Variants in PAK6 observed in about 807,000 individuals in gnomAD.
PAK6 encodes the protein serine/threonine-protein kinase PAK 6.
Under a neutral mutation model 60.8 loss-of-function variants are expected in PAK6, and 33 were observed. That is an observed-to-expected ratio of 0.54 (90% CI 0.41 to 0.73). PAK6 has a LOEUF of 0.73. PAK6 is among the 30% of genes least tolerant of loss of function. The pLI is 0.00. For missense variants in PAK6, 845 were observed against 904.1 expected (o/e 0.93, Z 0.84); for synonymous variants, 404 against 378.5 (o/e 1.07, Z -0.78).
chr15:40,253,849 T>C (rs934057849), intron 3 of PAK6, among the ~76,000 whole-genome samples: 4 of 152,036 alleles, frequency 2.6e-5, no homozygotes, highest in Admixed American at 6.5e-5. Flanking sequence ...GCTCCCAGGG[T>C]GTAGGTTGCG....
Position 40,253,252 on chromosome 15 carries a change from G to A in PAK6, c.-43G>A, listed in dbSNP as rs1410052755. 2.2e-6 allele frequency: 1 copy of A among 456,064 alleles called. No homozygotes were observed. Among genetic ancestry groups the A allele is most frequent in the South Asian group, 1.5e-5 (1 of 64,566 alleles). The allele number at this position is 456,064 out of a possible 1,614,324, so 28.3% of individuals were successfully genotyped here. A position where few individuals can be genotyped will look rare whatever the true frequency, so the allele number is the denominator to read the frequency against. ...CGCCTAAGAGAGAGGCCCAGTGCGG[G>A]TGAGGAGTCGCGAGGAAGAGGCGGA... On this transcript the variant is annotated 5_prime_UTR_variant, in exon 3 of 11. It adds an upstream start codon to the 5' untranslated region. Transcript: ENST00000560346.
rs369235955 is a variant in PAK6, at chr15:40,264,927, C to T, written c.142C>T (p.Arg48Trp). The change falls in exon 4 of 11, where the codon CGG becomes TGG. Residue 48 changes from arginine to tryptophan, a missense_variant. Arg to Trp is a moderately radical substitution (Grantham distance 101). Coordinates refer to ENST00000560346, the Ensembl canonical transcript of PAK6. Reference sequence around the variant, plus strand: ...ATGGCAGAACATCCTGGACACACTGCGGCGCCCCAAGCCCGTGGTGGACCC... The same window carrying T: ...ATGGCAGAACATCCTGGACACACTGTGGCGCCCCAAGCCCGTGGTGGACCC... The T allele has an allele frequency of 9.9e-6, 16 of 1,613,690 alleles. No homozygotes were observed. The highest frequency in any genetic ancestry group is 1.4e-5 in the Non-Finnish European group (16 of 1,180,056).
intron 3 of PAK6, among the ~76,000 whole-genome samples, chr15:40,264,274 T>C (rs1270967457): frequency 6.6e-6 from 1 of 152,168 alleles, no homozygotes; most frequent in Non-Finnish European, 1.5e-5. Flanking sequence ...TTGGATTCAA[T>C]TCGATAGTTT....
rs867398535 is a variant in PAK6, at chr15:40,240,351, C to T, written c.-200-248C>T. Among the ~76,000 whole-genome samples the T allele has an allele frequency of 4.6e-5, 7 of 152,300 alleles. No homozygotes were observed. The Middle Eastern group carries it at 0.017, about 370-fold the overall frequency. On this transcript the variant is annotated intron_variant, in intron 1 of 10. Coordinates refer to ENST00000560346, the Ensembl canonical transcript of PAK6. ...TGATCAGGACCCAGCGGGTGCCACC[C>T]TCAAGCCCCTGGTCCCCACAGGGCA...
At chr15:40,267,525 GGC>G (rs1290557669) in intron 5 of PAK6, among the ~76,000 whole-genome samples, 2 of 152,228 alleles carry the variant, frequency 1.3e-5, no homozygotes, top group Non-Finnish European at 2.9e-5. Context: ...CGGGCGCGGT[GGC>G]GGGCGCCTGT....
At chr15:40,243,850 G>C (rs7165372) in intron 2 of PAK6, among the ~76,000 whole-genome samples, 1 of 152,146 alleles carries the variant, frequency 6.6e-6, no homozygotes, top group African/African-American at 2.4e-5. Context: ...ATCGAGAGCC[G>C]GGCTGTGGCC....
chr15:40,261,931 A>T (rs1212246994), intron 3 of PAK6, among the ~76,000 whole-genome samples: 1 of 151,932 alleles, frequency 6.6e-6, no homozygotes, highest in Non-Finnish European at 1.5e-5. Context: ...ATTAGAATGG[A>T]CTCAAGAGAG....
intron 3 of PAK6, chr15:40,260,060 T>C (rs1252762142): frequency 6.6e-6 from 1 of 152,126 alleles, no homozygotes; most frequent in Non-Finnish European, 1.5e-5. Context: ...TAAACCTTGA[T>C]AGTTTAATTT....
upstream of PAK6, chr15:40,239,229 A>T (rs889144596): frequency 3.3e-5 from 5 of 152,156 alleles, no homozygotes; most frequent in African/African-American, 1.2e-4. Context: ...CTCGCCTGCC[A>T]GGCAGCCCTG....
chr15:40,261,247 T>C (rs2038977978), intron 3 of PAK6, among the ~76,000 whole-genome samples: 1 of 151,714 alleles, frequency 6.6e-6, no homozygotes, highest in African/African-American at 2.4e-5. Flanking sequence ...TTTTAAAATA[T>C]TGACCTTGAG....
intron 2 of PAK6, chr15:40,246,997 T>A (rs1256366872): frequency 6.6e-6 from 1 of 152,424 alleles, no homozygotes; most frequent in Non-Finnish European, 1.5e-5. Context: ...ATACCCTGCT[T>A]CCTCACATCC....
intron 5 of PAK6, 81 bp from the exon 6 acceptor site, chr15:40,272,143 C>G: frequency 6.7e-7 from 1 of 1,490,830 alleles, no homozygotes; most frequent in Non-Finnish European, 9.1e-7. Context: ...CCAGAGGTCA[C>G]GGCGGCCAGC....
At chr15:40,269,305 G>C (rs950199264) in intron 5 of PAK6, among the ~76,000 whole-genome samples, 2 of 152,214 alleles carry the variant, frequency 1.3e-5, no homozygotes, top group African/African-American at 4.8e-5. Flanking sequence ...AGGCACCTGA[G>C]CCACCATGCC....
chr15:40,243,017 G>A (rs1041226376), intron 2 of PAK6, among the ~76,000 whole-genome samples: 13 of 152,224 alleles, frequency 8.5e-5, no homozygotes, highest in Admixed American at 8.5e-4. Context: ...AACCGCGCCA[G>A]AAACAAGCGG....
chr15:40,276,588 A>C (rs2039461075), exon 11 of PAK6: 1 of 155,422 alleles, frequency 6.4e-6, no homozygotes, highest in African/African-American at 2.4e-5. Context: ...GATGTCCTGA[A>C]GGTGCAGTCC....
At chr15:40,245,928 G>T (rs995429503) in intron 2 of PAK6, 29 of 152,344 alleles carry the variant, frequency 1.9e-4, no homozygotes, top group African/African-American at 7.0e-4. Context: ...TGGGAGGCTG[G>T]GCAGGTCCCC....
chr15:40,260,472 C>T (rs1263105136), intron 3 of PAK6: 2 of 152,090 alleles, frequency 1.3e-5, no homozygotes, highest in African/African-American at 2.4e-5. Flanking sequence ...TTGTCAATTC[C>T]GTACTAAATT....
rs555838655 is a variant in PAK6 at position 40,263,070 on chromosome 15, G to A, written c.-5-1711G>A. Among the ~76,000 whole-genome samples, 61 of 152,290 alleles carry A rather than the reference G, an allele frequency of 4.0e-4. No individual in the cohort carries two copies. The South Asian group carries it at 5.8e-3, about 14-fold the overall frequency. On this transcript the variant is annotated intron_variant, in intron 3 of 10. Transcript: ENST00000560346. ...GTGACGTGGGCTCTGATTGAGTCAC[G>A]CATGGTGAATTCCTAGTGGGGAACC...
intron 2 of PAK6, among the ~76,000 whole-genome samples, chr15:40,244,403 AT>A (rs146019058): frequency 0.47 from 64,564 of 136,408 alleles, 14,797 homozygotes; most frequent in East Asian, 0.59. Flanking sequence ...TTTTCTTTTT[AT>A]TTTTTTTTTT....
Sources: gnomAD v4.1 joint callset for allele counts (sites outside exome capture counted in the v4.1 genomes callset) on GRCh38, gnomAD v4.1.1 for gene constraint, MANE v1.5 for transcripts, NCBI Gene and HGNC (gene_info 2026-07-23, HGNC 2026-07-21) for gene names.